Variants in LAMP5 observed in about 807,000 individuals in gnomAD.
LAMP5 encodes lysosome associated membrane protein 5, also known as lysosome-associated membrane glycoprotein 5.
A neutral mutation model predicts 30.2 loss-of-function variants in LAMP5; 36 were observed. That is an observed-to-expected ratio of 1.19 (90% confidence interval 0.91 to 1.57). LAMP5 has a LOEUF of 1.57. Among genes scored for constraint, LAMP5 ranks in the 40% most tolerant of loss-of-function variants. The pLI, the probability that LAMP5 is intolerant of heterozygous loss-of-function variation, is 0.00. For missense variants in LAMP5, 377 were observed against 354.9 expected, an observed-to-expected ratio of 1.06 and a Z score of -0.50; for synonymous variants, 149 against 134.6, an observed-to-expected ratio of 1.11 and a Z score of -0.74.
chr20:9,525,209 A>C (rs575842522), intron 5 of LAMP5, among the ~76,000 whole-genome samples: 66 of 152,182 alleles, frequency 4.3e-4, no homozygotes, highest in Non-Finnish European at 7.6e-4. Context: ...GATGTGAGAC[A>C]TTCTTTTTTA....
chr20:9,518,012 T>C (rs1568943160), intron 4 of LAMP5, 28 bp from the exon 5 acceptor site: 1 of 1,610,016 alleles, frequency 6.2e-7, no homozygotes, highest in East Asian at 2.2e-5. Flanking sequence ...ATGAGGGTTC[T>C]AACTATTGCT....
At chr20:9,518,283 A>G (rs1430881356) in intron 5 of LAMP5, 55 bp downstream of exon 5, 2 of 1,529,064 alleles carry the variant, frequency 1.3e-6, no homozygotes, top group Non-Finnish European at 1.8e-6. Context: ...AGGAAGGATG[A>G]GAGAGGGACC....
intron 5 of LAMP5, among the ~76,000 whole-genome samples, chr20:9,524,617 CA>C (rs1203336886): frequency 1.7e-4 from 17 of 100,466 alleles, no homozygotes; most frequent in South Asian, 3.1e-4. Flanking sequence ...AAAAAAAAAA[CA>C]AACAAAAAAA....
Position 9,529,674 on chromosome 20 carries a change from C to A in LAMP5, c.697C>A (p.Leu233Met), listed in dbSNP as rs373205650. 6 of 1,614,072 alleles carry A rather than the reference C, an allele frequency of 3.7e-6. No individual in the cohort carries two copies. The African/African-American group carries it at 6.7e-5, about 18-fold the overall frequency. Residue 233 changes from leucine to methionine, a missense_variant, in exon 6 of 6, where the codon CTG becomes ATG. Physicochemically the swap from Leu to Met is conservative, Grantham distance 15. Transcript: ENST00000246070. ...ATGCCCAGTGGATGAGCGGGAGCAA[C>A]TGGAAGAAACCTTGCCCCTGATTTT... Reference protein sequence around the residue: ...HKCPVDEREQLEETLPLILGL... With the variant: ...HKCPVDEREQMEETLPLILGL...
At chr20:9,526,909 CAT>C (rs1344153176) in intron 5 of LAMP5, among the ~76,000 whole-genome samples, 10 of 126,236 alleles carry the variant, frequency 7.9e-5, no homozygotes, top group Admixed American at 3.2e-4. Flanking sequence ...TATACACACA[CAT>C]ACAAAACAGT....
intron 5 of LAMP5, among the ~76,000 whole-genome samples, chr20:9,527,229 A>G (rs185075659): frequency 6.6e-6 from 1 of 152,038 alleles, no homozygotes; most frequent in African/African-American, 2.4e-5. Flanking sequence ...TATAGTGTTA[A>G]GTTGTTTGAG....
At chr20:9,522,574 T>C (rs1037635503) in intron 5 of LAMP5, among the ~76,000 whole-genome samples, 3 of 152,236 alleles carry the variant, frequency 2.0e-5, no homozygotes, top group African/African-American at 7.2e-5. Flanking sequence ...GCCATGGAGT[T>C]AGCCAGTCAT....
At chr20:9,527,352 C>T (rs1484089903) in intron 5 of LAMP5, among the ~76,000 whole-genome samples, 1 of 152,090 alleles carries the variant, frequency 6.6e-6, no homozygotes, top group African/African-American at 2.4e-5. Context: ...GGTTGTTAAC[C>T]AGATAATCTT....
rs774241437 is a variant in LAMP5 at position 9,529,824 on chromosome 20, C to G, written c.*4C>G. On this transcript the variant is annotated 3_prime_UTR_variant, in exon 6 of 6. Transcript: ENST00000246070. ...CCAGTATAAGCACATGGGCTAGAGG[C>G]CGTTAGGCAGGCACCCCCTATTCCT... The G allele has an allele frequency of 6.2e-7, 1 of 1,613,436 alleles. No individual in the cohort carries two copies. Among genetic ancestry groups the G allele is most frequent in the East Asian group, 2.2e-5 (1 of 44,866 alleles).
At position 9,529,847 on chromosome 20, in the gene LAMP5, C is replaced by A; in HGVS notation, c.*27C>A. ...GGCCGTTAGGCAGGCACCCCCTATT[C>A]CTGCTCCCCCAACTGGATCAGGTAG... On this transcript the variant is annotated 3_prime_UTR_variant, in exon 6 of 6. Coordinates refer to ENST00000246070, the MANE Select transcript of LAMP5 (RefSeq NM_012261.4). 2 of 1,609,408 alleles carry A rather than the reference C, an allele frequency of 1.2e-6. No homozygotes were observed. Among genetic ancestry groups the A allele is most frequent in the South Asian group, 1.1e-5 (1 of 90,812 alleles).
chr20:9,519,244 T>C (rs1163006024), intron 5 of LAMP5, among the ~76,000 whole-genome samples: 1 of 152,266 alleles, frequency 6.6e-6, no homozygotes, highest in Non-Finnish European at 1.5e-5. Context: ...TTTTGATTGC[T>C]TTGTTTATGC....
Position 9,514,614 on chromosome 20 carries a change from G to C in LAMP5, c.-239G>C, listed in dbSNP as rs558901471. 6.8e-5 allele frequency: 37 copies of C among 541,932 alleles called. No homozygotes were observed. The South Asian group carries it at 9.0e-4, about 13-fold the overall frequency. The allele number at this position is 541,932 out of a possible 1,614,324, so 33.6% of individuals were successfully genotyped here. ...CGGATTGCTTTCAGCACTCGCAGCC[G>C]TGGACCGCCGTGCGGTCCTTTCCTC... On this transcript the variant is annotated 5_prime_UTR_variant, in exon 1 of 6. Transcript: ENST00000246070.
At chr20:9,523,854 T>G (rs540886179) in intron 5 of LAMP5, among the ~76,000 whole-genome samples, 1 of 152,374 alleles carries the variant, frequency 6.6e-6, no homozygotes, top group African/African-American at 2.4e-5. Context: ...TTGTAATCTG[T>G]GGGTTGCATA....
rs769048030 is a variant in LAMP5, at chr20:9,518,182, C to G, written c.618C>G (p.Val206=). The change falls in exon 5 of 6, where the codon GTC becomes GTG. Residue 206 remains valine (V), a synonymous_variant. Transcript: ENST00000246070. ...CGGTCACCATGATCCTGTCTGCGGT[C>G]CACATCCAACCTTTTGACATTATCT... ...QKTVTMILSA[V]HIQPFDIISD... 1.9e-6 allele frequency: 3 copies of G among 1,614,010 alleles called. No individual in the cohort carries two copies. The highest frequency in any genetic ancestry group is 2.5e-6 in the Non-Finnish European group (3 of 1,180,014).
At chr20:9,517,935 C>G in intron 4 of LAMP5, 105 bp from the exon 5 acceptor site, 1 of 948,856 alleles carries the variant, frequency 1.1e-6, no homozygotes, top group South Asian at 1.6e-5. Context: ...ACAGAGAGGA[C>G]AGGAGGGGTG....
intron 5 of LAMP5, among the ~76,000 whole-genome samples, chr20:9,527,806 T>TA (rs559666435): frequency 6.6e-6 from 1 of 152,068 alleles, no homozygotes; most frequent in East Asian, 1.9e-4. Context: ...TGGTTCTATG[T>TA]AAAAAAATGG....
chr20:9,518,209 A>G lies in LAMP5; in HGVS notation c.645A>G (p.Ser215=), dbSNP rs146847874. ...ACATCCAACCTTTTGACATTATCTC[A>G]GATTTTGTCTTCAGTGAAGGTAAGT... ...AVHIQPFDII[S]DFVFSEEHKC... The change falls in exon 5 of 6, where the codon TCA becomes TCG. Residue 215 remains serine (S), a synonymous_variant. Transcript: ENST00000246070. The G allele has an allele frequency of 3.2e-3, 5,218 of 1,613,590 alleles. 15 individuals are homozygous for G. The highest frequency in any genetic ancestry group is 5.0e-3 in the Admixed American group (299 of 60,020).
At chr20:9,526,320 A>G (rs189709228) in intron 5 of LAMP5, among the ~76,000 whole-genome samples, 35 of 152,356 alleles carry the variant, frequency 2.3e-4, no homozygotes, top group African/African-American at 8.4e-4. Context: ...AAGTAAGAAA[A>G]AATTGTATGA....
intron 5 of LAMP5, among the ~76,000 whole-genome samples, chr20:9,526,860 G>GTA (rs201564418): frequency 0.09 from 7,104 of 79,118 alleles, 297 homozygotes; most frequent in Non-Finnish European, 0.13. Context: ...GTGTGTGTGT[G>GTA]TATATATATA....
Sources: allele counts gnomAD v4.1 joint callset (sites outside exome capture counted in the v4.1 genomes callset), GRCh38; gene constraint gnomAD v4.1.1; transcripts MANE v1.5; gene names NCBI Gene and HGNC (gene_info 2026-07-23, HGNC 2026-07-21).